The following DNAAF9 variants were observed in gnomAD, a reference collection of about 807,000 sequenced individuals.
DNAAF9 encodes the protein shulin.
In DNAAF9, 90 loss-of-function variants were observed where a neutral mutation model predicts 167.0. The ratio of observed to expected loss-of-function variants is 0.54; its 90% CI spans 0.45 to 0.64. The LOEUF is 0.64. DNAAF9 is among the 30% of genes least tolerant of loss of function. The pLI, the probability that DNAAF9 is intolerant of heterozygous loss-of-function variation, is 0.00. For synonymous variants in DNAAF9, 491 were observed against 508.8 expected (o/e 0.96, Z 0.47); for missense variants, 1,315 against 1,442.2 (o/e 0.91, Z 1.43).
In DNAAF9 at chr20:3,270,470, G is replaced by T. The variant is rs1258616918; in HGVS notation, c.2743C>A (p.Pro915Thr). ...TCTGCAAGAATGAAGGCTGCAGCAGGATTGGCAGCCCTGATGAGGCTCTGC... is the reference window on the plus strand; with the variant it reads ...TCTGCAAGAATGAAGGCTGCAGCAGTATTGGCAGCCCTGATGAGGCTCTGC... ...QLQSLIRAAN[P>T]AAAFILAENG... is the part of the protein sequence containing the mutation. Residue 915 changes from proline (P) to threonine (T), a missense_variant, in exon 30 of 37, where the codon CCT (proline) becomes ACT (threonine). By Grantham distance (38) the Pro-to-Thr change is conservative. This residue lies in a region of DNAAF9 where 334 missense variants were observed against 429.7 expected (regional missense o/e 0.78). Transcript: ENST00000252032. 2 of 1,613,306 alleles carry T rather than the reference G, an allele frequency of 1.2e-6. No homozygotes were observed. Among genetic ancestry groups the T allele is most frequent in the South Asian group, 2.2e-5 (2 of 91,060 alleles).
At chr20:3,290,032 T>A in intron 26 of DNAAF9, 97 bp downstream of exon 26, 2 of 757,786 alleles carry the variant, frequency 2.6e-6, no homozygotes, top group Non-Finnish European at 4.8e-6. Context: ...CTGATACCAG[T>A]CCCACCAAGG....
Position 3,262,800 on chromosome 20 carries a change from A to G in DNAAF9, c.2873+1638T>C, listed in dbSNP as rs79050177. 7.6e-3 allele frequency among the ~76,000 whole-genome samples: 1,164 copies of G among 152,226 alleles called. 73 individuals carry two copies. In the East Asian group the frequency reaches 0.16, roughly 21 times the overall value. On this transcript the variant is annotated intron_variant, in intron 31 of 36. Coordinates refer to ENST00000252032, the MANE Select transcript of DNAAF9 (RefSeq NM_001009984.3). ...CTCCATTTGTTTATTTTTAGCTAAG[A>G]TATCATTATCTTGTTCAGACATAAG...
At chr20:3,325,796 A>G (rs978986995) in intron 13 of DNAAF9, among the ~76,000 whole-genome samples, 2 of 151,844 alleles carry the variant, frequency 1.3e-5, no homozygotes, top group Admixed American at 1.3e-4. Context: ...ATCTTTAGCT[A>G]TTTTTTTTAA....
intron 29 of DNAAF9, among the ~76,000 whole-genome samples, chr20:3,272,420 T>A (rs2068609529): frequency 2.0e-5 from 3 of 151,834 alleles, no homozygotes; most frequent in Admixed American, 2.0e-4. Flanking sequence ...AGACACTGGG[T>A]CTCATTTTGT....
intron 28 of DNAAF9, among the ~76,000 whole-genome samples, chr20:3,279,194 A>G (rs934816121): frequency 2.0e-5 from 3 of 152,298 alleles, no homozygotes; most frequent in African/African-American, 2.4e-5. Context: ...AAGGAGGGAT[A>G]CTGGGGACAG....
At chr20:3,362,184 T>C (rs2083372972) in intron 6 of DNAAF9, 12 of 1,432,312 alleles carry the variant, frequency 8.4e-6, no homozygotes, top group Middle Eastern at 2.4e-4. Context: ...TCCCTGTCCA[T>C]CTTGTAAGTG....
intron 1 of DNAAF9, among the ~76,000 whole-genome samples, chr20:3,405,441 C>T (rs58701541): frequency 1.2e-3 from 179 of 152,218 alleles, no homozygotes; most frequent in African/African-American, 4.1e-3. Flanking sequence ...AAGGGAAAGG[C>T]TTGAATGGGC....
intron 7 of DNAAF9, among the ~76,000 whole-genome samples, chr20:3,349,196 AAAAAAAAC>A (rs1450789564): frequency 1.2e-4 from 17 of 138,664 alleles, no homozygotes; most frequent in South Asian, 4.9e-4. Context: ...CTCTACCAAA[AAAAAAAAC>A]AAAAAAAAAA....
chr20:3,350,940 T>C (rs1458382809), intron 7 of DNAAF9, among the ~76,000 whole-genome samples: 4 of 152,184 alleles, frequency 2.6e-5, no homozygotes, highest in Non-Finnish European at 4.4e-5. Context: ...GTAACACCAT[T>C]GTGCAATGGT....
In DNAAF9 at chr20:3,251,146, T is replaced by G. The variant is rs1302204018; in HGVS notation, c.*1426A>C. 2.0e-5 allele frequency: 3 copies of G among 152,002 alleles called. No homozygotes were observed. The highest frequency in any genetic ancestry group is 7.2e-5 in the African/African-American group (3 of 41,412). The allele number at this position is 152,002 out of a possible 1,614,324, so 9.4% of individuals were successfully genotyped here. A position where few individuals can be genotyped will look rare whatever the true frequency, so the allele number is the denominator to read the frequency against. ...TGTTCATTTGGCTTCAAATTGTTTT[T>G]TTTTTTTTTCTAATATATTTTACTG... On this transcript the variant is annotated 3_prime_UTR_variant, in exon 37 of 37. Coordinates refer to ENST00000252032, the MANE Select transcript of DNAAF9 (RefSeq NM_001009984.3).
intron 6 of DNAAF9, chr20:3,362,160 A>C: frequency 7.0e-7 from 1 of 1,421,152 alleles, no homozygotes; most frequent in Non-Finnish European, 9.8e-7. Flanking sequence ...TTGTTCCTGG[A>C]GGCCCAATTA....
rs565875902 is a variant in DNAAF9 at position 3,289,250 on chromosome 20, C to T, written c.2327+879G>A. ...TGTATACATGTGTAACAAACCTGCA[C>T]GTTGTGCACATGTATTCTAAAACTT... On this transcript the variant is annotated intron_variant, in intron 26 of 36. Transcript: ENST00000252032. Among the ~76,000 whole-genome samples the T allele has an allele frequency of 2.9e-3, 449 of 152,232 alleles. 11 individuals carry two copies. Among genetic ancestry groups the T allele is most frequent in the Non-Finnish European group, 4.7e-4 (32 of 68,008 alleles).
chr20:3,364,072 G>C (rs2083399308), intron 6 of DNAAF9, among the ~76,000 whole-genome samples: 1 of 152,116 alleles, frequency 6.6e-6, no homozygotes, highest in South Asian at 2.1e-4. Context: ...GAATAGCTGA[G>C]ACTACAGGCA....
intron 26 of DNAAF9, among the ~76,000 whole-genome samples, chr20:3,289,231 C>T (rs955962430): frequency 1.3e-5 from 2 of 152,168 alleles, no homozygotes; most frequent in African/African-American, 4.8e-5. Flanking sequence ...CATATGTATA[C>T]ATGTGTAACA....
intron 21 of DNAAF9, among the ~76,000 whole-genome samples, chr20:3,298,614 CT>C (rs1461200622): frequency 1.3e-5 from 2 of 152,074 alleles, no homozygotes; most frequent in Non-Finnish European, 2.9e-5. Context: ...GCCACCACCC[CT>C]AATCTGGATT....
At chr20:3,310,333 A>AAAAGAAAGAAAAAAAG (rs1555790604) in intron 20 of DNAAF9, among the ~76,000 whole-genome samples, 1 of 106,098 alleles carries the variant, frequency 9.4e-6, no homozygotes, top group Non-Finnish European at 1.9e-5. Flanking sequence ...AAGAGAAAGA[A>AAAAGAAAGAAAAAAAG]AAAGAAAGAA....
At chr20:3,297,935 C>A in intron 22 of DNAAF9, 94 bp downstream of exon 22, 1 of 984,710 alleles carries the variant, frequency 1.0e-6, no homozygotes, top group Non-Finnish European at 1.6e-6. Flanking sequence ...CCTCTCATCA[C>A]TTCACTGTTA....
At chr20:3,404,215 T>C (rs2084025942) in intron 1 of DNAAF9, among the ~76,000 whole-genome samples, 1 of 152,176 alleles carries the variant, frequency 6.6e-6, no homozygotes, top group African/African-American at 2.4e-5. Context: ...TGTGTATTTT[T>C]AGTAGAGGTG....
chr20:3,391,847 G>C (rs1261704531), intron 1 of DNAAF9, among the ~76,000 whole-genome samples: 1 of 151,890 alleles, frequency 6.6e-6, no homozygotes, highest in African/African-American at 2.4e-5. Context: ...CCAAAGTGCT[G>C]GGATTACAGG....
Sources: gnomAD v4.1 joint callset for allele counts (sites outside exome capture counted in the v4.1 genomes callset) on GRCh38, gnomAD v4.1.1 for gene constraint, gnomAD v4.1.1 regional missense constraint, MANE v1.5 for transcripts, NCBI Gene and HGNC (gene_info 2026-07-23, HGNC 2026-07-21) for gene names.